Variants in PDE4B observed in about 807,000 individuals in gnomAD.
The protein encoded by PDE4B is 3',5'-cyclic-AMP phosphodiesterase 4B.
Under a neutral mutation model 82.2 loss-of-function variants are expected in PDE4B, and 20 were observed. The ratio of observed to expected loss-of-function variants is 0.24; its 90% CI spans 0.17 to 0.35. PDE4B has a LOEUF of 0.35. Among genes scored for constraint, PDE4B ranks in the 10% least tolerant of loss-of-function variants. PDE4B has a pLI of 1.00. For synonymous variants in PDE4B, 320 were observed against 318.9 expected, an observed-to-expected ratio of 1.00 and a Z score of -0.04; for missense variants, 655 against 907.2, an observed-to-expected ratio of 0.72 and a Z score of 3.57.
chr1:66,014,543 A>G (rs1171960303), intron 3 of PDE4B, among the ~76,000 whole-genome samples: 1 of 152,114 alleles, frequency 6.6e-6, no homozygotes, highest in Admixed American at 6.6e-5. Flanking sequence ...GTTGGTACCC[A>G]GCTCTCCCAA....
At chr1:66,350,410 A>G (rs1438337363) in intron 8 of PDE4B, among the ~76,000 whole-genome samples, 1 of 151,808 alleles carries the variant, frequency 6.6e-6, no homozygotes, top group African/African-American at 2.4e-5. Context: ...GTTTTCTCCT[A>G]CTGACCTCAT....
intron 8 of PDE4B, among the ~76,000 whole-genome samples, chr1:66,341,358 A>G (rs1660968172): frequency 6.6e-6 from 1 of 152,218 alleles, no homozygotes; most frequent in Non-Finnish European, 1.5e-5. Context: ...AAGACATGGG[A>G]CATTCTCTCT....
intron 1 of PDE4B, among the ~76,000 whole-genome samples, chr1:65,907,190 A>G (rs887900421): frequency 2.0e-5 from 3 of 152,172 alleles, no homozygotes; most frequent in African/African-American, 7.2e-5. Flanking sequence ...TCTCCATCAT[A>G]TTAAAATAAG....
At chr1:66,103,116 T>C (rs1557562626) in intron 3 of PDE4B, among the ~76,000 whole-genome samples, 1 of 152,124 alleles carries the variant, frequency 6.6e-6, no homozygotes, top group Non-Finnish European at 1.5e-5. Flanking sequence ...GTAAATGTGT[T>C]TTTAAATTGT....
At position 66,246,445 on chromosome 1, in the gene PDE4B, T is replaced by A. The variant is rs558967761; in HGVS notation, c.282-1015T>A. Among the ~76,000 whole-genome samples, 3 of 152,294 alleles carry A rather than the reference T, an allele frequency of 2.0e-5. No individual in the cohort carries two copies. The East Asian group carries it at 5.8e-4, about 29-fold the overall frequency. ...GAAAAAAGGAGCATCCTCAGCCCCA[T>A]ATCTTTTGTTCACCATCTCTCTGCA... On this transcript the variant is annotated intron_variant, in intron 3 of 16. Coordinates refer to ENST00000341517, the MANE Select transcript of PDE4B (RefSeq NM_002600.4).
At chr1:66,273,145 G>C (rs189819322) in intron 7 of PDE4B, among the ~76,000 whole-genome samples, 7 of 152,232 alleles carry the variant, frequency 4.6e-5, no homozygotes, top group Non-Finnish European at 1.0e-4. Flanking sequence ...TGTCTCACCA[G>C]GCATGCAAAA....
chr1:65,986,351 C>G (rs898235671), intron 3 of PDE4B, among the ~76,000 whole-genome samples: 3 of 152,170 alleles, frequency 2.0e-5, no homozygotes, highest in African/African-American at 7.2e-5. Flanking sequence ...GATGAAACAG[C>G]TGACTCTTCT....
chr1:66,229,173 AAT>A (rs1651723285), intron 3 of PDE4B, among the ~76,000 whole-genome samples: 1 of 89,514 alleles, frequency 1.1e-5, no homozygotes. Context: ...ATGCCCGGCT[AAT>A]TTTTTTTGTA....
chr1:66,169,178 G>T (rs1353581679), intron 3 of PDE4B, among the ~76,000 whole-genome samples: 1 of 152,194 alleles, frequency 6.6e-6, no homozygotes, highest in African/African-American at 2.4e-5. Context: ...TGCCTTTGGA[G>T]TATAATTTGT....
intron 3 of PDE4B, among the ~76,000 whole-genome samples, chr1:66,118,699 A>G (rs1450305928): frequency 6.6e-6 from 1 of 152,160 alleles, no homozygotes; most frequent in Non-Finnish European, 1.5e-5. Flanking sequence ...CATGTACCCT[A>G]AAACTTAAAA....
At chr1:66,372,288 G>T in intron 16 of PDE4B, 25 bp from the exon 17 acceptor site, 1 of 1,580,626 alleles carries the variant, frequency 6.3e-7, no homozygotes, top group Non-Finnish European at 8.6e-7. Flanking sequence ...CACAATAACA[G>T]ATGTGTCATC....
intron 1 of PDE4B, among the ~76,000 whole-genome samples, chr1:65,845,820 GC>G (rs1157550008): frequency 6.6e-6 from 1 of 152,040 alleles, no homozygotes; most frequent in Admixed American, 6.6e-5. Flanking sequence ...CTTAAGTTCT[GC>G]ATCTCCTTTC....
At chr1:66,208,631 C>T (rs1649761300) in intron 3 of PDE4B, among the ~76,000 whole-genome samples, 1 of 152,134 alleles carries the variant, frequency 6.6e-6, no homozygotes, top group Non-Finnish European at 1.5e-5. Context: ...TGGAACCATG[C>T]AAAATCTTAA....
At chr1:66,122,844 T>G (rs1293356033) in intron 3 of PDE4B, among the ~76,000 whole-genome samples, 1 of 151,948 alleles carries the variant, frequency 6.6e-6, no homozygotes, top group Non-Finnish European at 1.5e-5. Flanking sequence ...TAGCTGGGAT[T>G]ACAGGTGCCT....
At chr1:66,077,340 A>G (rs935734261) in intron 3 of PDE4B, among the ~76,000 whole-genome samples, 15 of 152,202 alleles carry the variant, frequency 9.9e-5, no homozygotes, top group African/African-American at 3.6e-4. Context: ...TAGTGTAAAC[A>G]TTTAACACGT....
At chr1:65,917,280 G>A (rs531003649) in intron 2 of PDE4B, among the ~76,000 whole-genome samples, 23 of 152,232 alleles carry the variant, frequency 1.5e-4, no homozygotes, top group African/African-American at 4.3e-4. Flanking sequence ...GTAGAGGAGC[G>A]GAGGGTAAAG....
At chr1:65,952,388 A>G (rs966036174) in intron 3 of PDE4B, among the ~76,000 whole-genome samples, 4 of 152,090 alleles carry the variant, frequency 2.6e-5, no homozygotes, top group African/African-American at 4.8e-5. Context: ...CCTAACATTA[A>G]TGTATAATTA....
At chr1:66,326,159 G>GT (rs1001752512) in intron 7 of PDE4B, among the ~76,000 whole-genome samples, 13 of 152,162 alleles carry the variant, frequency 8.5e-5, no homozygotes. Context: ...GAAAGGAAAT[G>GT]TTTTTTAGAA....
chr1:66,174,571 C>T (rs1646896915), intron 3 of PDE4B, among the ~76,000 whole-genome samples: 1 of 152,072 alleles, frequency 6.6e-6, no homozygotes, highest in South Asian at 2.1e-4. Context: ...GCCTGACCAA[C>T]ATGGTGAAAC....
Sources: allele counts gnomAD v4.1 joint callset (sites outside exome capture counted in the v4.1 genomes callset), GRCh38; gene constraint gnomAD v4.1.1; transcripts MANE v1.5; gene names NCBI Gene and HGNC (gene_info 2026-07-23, HGNC 2026-07-21).